The following SLC4A4 variants were observed in gnomAD, a reference collection of about 807,000 sequenced individuals.
SLC4A4 encodes solute carrier family 4 member 4.
In SLC4A4, 27 loss-of-function variants were observed where a neutral mutation model predicts 111.5. That is an observed-to-expected ratio of 0.24 (90% CI 0.18 to 0.33). SLC4A4 has a LOEUF of 0.33. SLC4A4 is among the 10% of genes least tolerant of loss of function. The pLI is 1.00. For missense variants in SLC4A4, 909 were observed against 1,315.5 expected (o/e 0.69, Z 4.78); for synonymous variants, 443 against 463.4 (o/e 0.96, Z 0.57).
At chr4:71,261,375 A>T (rs1171857268) in intron 3 of SLC4A4, among the ~76,000 whole-genome samples, 6 of 152,174 alleles carry the variant, frequency 3.9e-5, no homozygotes, top group African/African-American at 1.4e-4. Context: ...TACAGGAAGG[A>T]TCTCTTTCTG....
Position 71,081,871 on chromosome 4 carries a change from C to T in SLC4A4, c.-64-10859C>T, listed in dbSNP as rs867409006. Reference sequence around the variant, plus strand: ...TGGGAGTGGTGGGAAGGCTTGTGCCCCAAAGTTTCAGGTTGTGAGACAGCT... The same window carrying T: ...TGGGAGTGGTGGGAAGGCTTGTGCCTCAAAGTTTCAGGTTGTGAGACAGCT... On this transcript the variant is annotated intron_variant, in intron 1 of 26. Transcript: ENST00000649996. 2.6e-5 allele frequency among the ~76,000 whole-genome samples: 4 copies of T among 152,078 alleles called. No individual in the cohort carries two copies. The South Asian group carries it at 8.3e-4, about 31-fold the overall frequency.
chr4:71,463,179 C>A, intron 12 of SLC4A4, among the ~76,000 whole-genome samples: 1 of 152,162 alleles, frequency 6.6e-6, no homozygotes, highest in Non-Finnish European at 1.5e-5. Flanking sequence ...CACCTCAGAG[C>A]TTAGCTGTCT....
intron 1 of SLC4A4, among the ~76,000 whole-genome samples, chr4:71,204,617 T>C (rs1397874950): frequency 6.6e-6 from 1 of 152,188 alleles, no homozygotes; most frequent in Non-Finnish European, 1.5e-5. Context: ...TATAGTCTCT[T>C]TGTAACTAGT....
intron 1 of SLC4A4, among the ~76,000 whole-genome samples, chr4:71,072,308 C>T (rs999758483): frequency 6.6e-6 from 1 of 152,058 alleles, no homozygotes; most frequent in African/African-American, 2.4e-5. Context: ...TTGTTGTTCC[C>T]AAACCATATA....
Position 71,546,508 on chromosome 4 carries a change from A to G in SLC4A4, c.2601A>G (p.Gln867=). The change falls in exon 19 of 26, where the codon CAA becomes CAG. Residue 867 remains glutamine, a synonymous_variant. Transcript: ENST00000264485. ...CAGAGACTTCTGCACCTGGAGAACA[A>G]CCAAAGTTTCTAGGAGTGAGGTGTG... ...METETSAPGE[Q]PKFLGVREQR... 6.2e-7 allele frequency: 1 copy of G among 1,612,408 alleles called. No homozygotes were observed. The highest frequency in any genetic ancestry group is 8.5e-7 in the Non-Finnish European group (1 of 1,178,954).
At chr4:71,112,124 A>G (rs544680095) in intron 2 of SLC4A4, among the ~76,000 whole-genome samples, 1 of 152,330 alleles carries the variant, frequency 6.6e-6, no homozygotes, top group African/African-American at 2.4e-5. Context: ...AGTTTTGGCT[A>G]TCTTCCTTCC....
At chr4:71,273,450 A>G (rs996338979) in intron 3 of SLC4A4, among the ~76,000 whole-genome samples, 1 of 152,206 alleles carries the variant, frequency 6.6e-6, no homozygotes, top group Non-Finnish European at 1.5e-5. Flanking sequence ...GGAGAAATGT[A>G]AAAAGACTGG....
At chr4:71,476,062 A>G (rs1388454379) in intron 14 of SLC4A4, among the ~76,000 whole-genome samples, 1 of 151,816 alleles carries the variant, frequency 6.6e-6, no homozygotes, top group Non-Finnish European at 1.5e-5. Context: ...TTTTAAGTCT[A>G]TGGAGATGAA....
chr4:71,515,134 T>C (rs1732265591), intron 16 of SLC4A4, among the ~76,000 whole-genome samples: 1 of 152,074 alleles, frequency 6.6e-6, no homozygotes, highest in African/African-American at 2.4e-5. Context: ...TCCTTCTTCA[T>C]ACTGTTTTGC....
intron 16 of SLC4A4, among the ~76,000 whole-genome samples, chr4:71,521,748 G>A (rs1393760338): frequency 6.6e-6 from 1 of 152,208 alleles, no homozygotes; most frequent in Non-Finnish European, 1.5e-5. Context: ...AAGGCAGAGA[G>A]TGTGGTAGAG....
chr4:71,255,116 C>T (rs1483321258), intron 2 of SLC4A4, 104 bp from the exon 3 acceptor site: 13 of 1,102,166 alleles, frequency 1.2e-5, no homozygotes, highest in East Asian at 4.7e-5. Flanking sequence ...AGAATGGTAA[C>T]GTTGAATTTA....
intron 1 of SLC4A4, among the ~76,000 whole-genome samples, chr4:71,081,968 G>T (rs917520955): frequency 1.3e-5 from 2 of 152,032 alleles, no homozygotes; most frequent in African/African-American, 4.8e-5. Context: ...GCTATTAGCT[G>T]CTAAATTCAC....
intron 2 of SLC4A4, among the ~76,000 whole-genome samples, chr4:71,118,710 A>G (rs1394610345): frequency 6.6e-6 from 1 of 152,192 alleles, no homozygotes; most frequent in Non-Finnish European, 1.5e-5. Flanking sequence ...TATTAAGGAT[A>G]TTATTTAATA....
intron 2 of SLC4A4, among the ~76,000 whole-genome samples, chr4:71,131,820 G>C (rs72648777): frequency 0.038 from 5,841 of 152,112 alleles, 219 homozygotes; most frequent in Non-Finnish European, 0.042. Context: ...GGAGTCCCGA[G>C]CCCATGAGAT....
At chr4:71,504,456 A>G (rs985009204) in intron 16 of SLC4A4, among the ~76,000 whole-genome samples, 2 of 151,468 alleles carry the variant, frequency 1.3e-5, no homozygotes, top group Admixed American at 6.6e-5. Flanking sequence ...TTCACTGCCA[A>G]GATTTCTGTT....
intron 3 of SLC4A4, among the ~76,000 whole-genome samples, chr4:71,333,951 T>G (rs1438623237): frequency 6.6e-6 from 1 of 151,744 alleles, no homozygotes; most frequent in Non-Finnish European, 1.5e-5. Flanking sequence ...AGAAATGCTG[T>G]CTAAGAGCGA....
intron 3 of SLC4A4, among the ~76,000 whole-genome samples, chr4:71,257,635 A>G (rs1184562770): frequency 6.6e-6 from 1 of 152,180 alleles, no homozygotes; most frequent in Admixed American, 6.5e-5. Flanking sequence ...CTACTATACT[A>G]TTATTGTCTC....
intron 3 of SLC4A4, among the ~76,000 whole-genome samples, chr4:71,325,031 G>T (rs1727400795): frequency 6.6e-6 from 1 of 151,876 alleles, no homozygotes; most frequent in Non-Finnish European, 1.5e-5. Context: ...ACCTAAATAT[G>T]TTTAAAATTA....
At chr4:71,106,745 G>A (rs1198205339) in intron 2 of SLC4A4, among the ~76,000 whole-genome samples, 1 of 134,756 alleles carries the variant, frequency 7.4e-6, no homozygotes, top group African/African-American at 2.8e-5. Context: ...GACACAGGAA[G>A]GGGAACATCA....
Sources: allele counts gnomAD v4.1 joint callset (sites outside exome capture counted in the v4.1 genomes callset), GRCh38; gene constraint gnomAD v4.1.1; transcripts MANE v1.5; gene names NCBI Gene and HGNC (gene_info 2026-07-23, HGNC 2026-07-21).